Variants in AMZ1 observed in about 807,000 individuals in gnomAD.
AMZ1 encodes the protein archaelysin family metallopeptidase 1.
AMZ1 carries 39 observed loss-of-function variants against 29.9 expected under a neutral mutation model. That is an observed-to-expected ratio of 1.30 (90% CI 1.01 to 1.70). The LOEUF (loss-of-function observed/expected upper bound fraction) is 1.70. Ranked by LOEUF, AMZ1 falls within the 40% of genes most tolerant of loss-of-function variation. The pLI is 0.00. For missense variants in AMZ1, 1,041 were observed against 680.6 expected, an observed-to-expected ratio of 1.53 and a Z score of -5.89; for synonymous variants, 458 against 304.0, an observed-to-expected ratio of 1.51 and a Z score of -5.27.
chr7:2,698,795 C>T (rs1471978864), intron 1 of AMZ1, among the ~76,000 whole-genome samples: 1 of 152,154 alleles, frequency 6.6e-6, no homozygotes, highest in African/African-American at 2.4e-5. Flanking sequence ...ATGATTGCAC[C>T]ACTGCACTCC....
chr7:2,690,366 G>A (rs2115047534), intron 1 of AMZ1, among the ~76,000 whole-genome samples: 1 of 152,288 alleles, frequency 6.6e-6, no homozygotes, highest in African/African-American at 2.4e-5. Context: ...CCACAGGCAT[G>A]CACAACCATG....
chr7:2,763,117 T>G (rs1791647337), upstream of AMZ1: 11 of 1,242,620 alleles, frequency 8.9e-6, no homozygotes, highest in Non-Finnish European at 1.1e-5. Flanking sequence ...TGAAGTCATC[T>G]TCCTCTCTCT....
intron 1 of AMZ1, among the ~76,000 whole-genome samples, chr7:2,691,977 G>A (rs1562357375): frequency 6.6e-6 from 1 of 152,220 alleles, no homozygotes; most frequent in Non-Finnish European, 1.5e-5. Flanking sequence ...GGCGCTAGGG[G>A]AATGATTTGG....
rs183308094 is a variant in AMZ1 at position 2,681,144 on chromosome 7, C to T, written c.-219+1473C>T. Among the ~76,000 whole-genome samples the T allele has an allele frequency of 1.6e-3, 238 of 152,314 alleles. 2 individuals are homozygous for T. Among genetic ancestry groups the T allele is most frequent in the Admixed American group, 0.012 (181 of 15,304 alleles). The stretch of plus-strand genomic sequence containing the variant: ...GCTGGAGCGGGGCCATGGCTGAGCT[C>T]GGTGCCACTCAGGCCCGAAAGCCCC... On this transcript the variant is annotated intron_variant, in intron 1 of 6. Transcript: ENST00000312371.
chr7:2,696,962 G>A (rs1196241606), intron 1 of AMZ1, among the ~76,000 whole-genome samples: 1 of 152,140 alleles, frequency 6.6e-6, no homozygotes, highest in Non-Finnish European at 1.5e-5. Flanking sequence ...AAAGCAATTT[G>A]CAATACAAAT....
At chr7:2,706,097 A>G (rs1288391307) in intron 3 of AMZ1, among the ~76,000 whole-genome samples, 1 of 152,228 alleles carries the variant, frequency 6.6e-6, no homozygotes, top group East Asian at 1.9e-4. Context: ...CGGGAAAAGG[A>G]CATGCACTCG....
intron 4 of AMZ1, among the ~76,000 whole-genome samples, chr7:2,735,316 C>T (rs2115299629): frequency 6.6e-6 from 1 of 152,314 alleles, no homozygotes; most frequent in South Asian, 2.1e-4. Context: ...TTGCCCGTTT[C>T]TAGGCAGGTG....
chr7:2,704,147 C>G (rs568033162), intron 3 of AMZ1, among the ~76,000 whole-genome samples: 1 of 152,310 alleles, frequency 6.6e-6, no homozygotes, highest in South Asian at 2.1e-4. Context: ...CATTGGCCTC[C>G]CAAAGTGCTG....
intron 3 of AMZ1, among the ~76,000 whole-genome samples, chr7:2,706,614 A>T (rs1788368031): frequency 6.6e-6 from 1 of 152,022 alleles, no homozygotes; most frequent in Admixed American, 6.5e-5. Flanking sequence ...CAGATGCACA[A>T]CTCCAACCTC....
chr7:2,696,939 G>T (rs978639791), intron 1 of AMZ1, among the ~76,000 whole-genome samples: 1 of 152,090 alleles, frequency 6.6e-6, no homozygotes. Flanking sequence ...GTAAACTGGT[G>T]TGATCTTTCT....
downstream of AMZ1, among the ~76,000 whole-genome samples, chr7:2,721,876 AAACT>A (rs779961292): frequency 1.3e-5 from 2 of 152,236 alleles, no homozygotes; most frequent in Non-Finnish European, 2.9e-5. Flanking sequence ...AAAACATGTT[AAACT>A]AACCACCGTG....
At chr7:2,750,423 C>T (rs1002142273) in intron 4 of AMZ1, among the ~76,000 whole-genome samples, 2 of 152,338 alleles carry the variant, frequency 1.3e-5, no homozygotes, top group Non-Finnish European at 1.5e-5. Context: ...TCAGGGGACA[C>T]ATGCTGAGAC....
At chr7:2,702,550 G>GA in intron 2 of AMZ1, 172 bp from the exon 3 acceptor site, 1 of 718,948 alleles carries the variant, frequency 1.4e-6, no homozygotes, top group Admixed American at 3.1e-5. Flanking sequence ...TTGCCCTTTT[G>GA]AAAAAGTCAT....
intron 5 of AMZ1, among the ~76,000 whole-genome samples, 179 bp downstream of exon 5, chr7:2,709,423 A>C (rs887811963): frequency 8.2e-5 from 11 of 134,694 alleles, no homozygotes; most frequent in African/African-American, 2.9e-4. Context: ...TAGAGCCCCA[A>C]GCCCCTATCC....
At chr7:2,711,582 G>A (rs1352856906) in intron 6 of AMZ1, among the ~76,000 whole-genome samples, 1 of 152,124 alleles carries the variant, frequency 6.6e-6, no homozygotes, top group African/African-American at 2.4e-5. Flanking sequence ...TTCAAGTACT[G>A]CCTTTGCTTT....
chr7:2,755,848 T>C (rs1791268316), intron 4 of AMZ1, among the ~76,000 whole-genome samples: 1 of 152,252 alleles, frequency 6.6e-6, no homozygotes, highest in South Asian at 2.1e-4. Flanking sequence ...TGGAGAGTTA[T>C]GTCATATTCA....
chr7:2,702,660 C>T (rs761322761), intron 2 of AMZ1, 62 bp from the exon 3 acceptor site: 53 of 1,470,888 alleles, frequency 3.6e-5, no homozygotes, highest in Middle Eastern at 2.4e-4. Context: ...GAGTGATTCC[C>T]GGGGAGAGGG....
Position 2,709,808 on chromosome 7 carries a change from AG to A in AMZ1, c.942del (p.Arg314SerfsTer72). On this transcript the variant is annotated frameshift_variant, in exon 6 of 7. Coordinates refer to ENST00000683327, the MANE Select transcript of AMZ1 (RefSeq NM_001384743.1). LOFTEE classifies it low-confidence loss of function (END_TRUNC). ...QHVLGFRLIE[R>X]YQRLYTWTQA... is the part of the protein sequence containing the mutation. The stretch of plus-strand genomic sequence containing the variant: ...TGTCCTGGGTTTCAGGCTCATCGAG[AG>A]GTACCAGGTGAGTGGCTGAGTTGCG... 1 of 1,611,848 alleles carries A rather than the reference AG, an allele frequency of 6.2e-7. No homozygotes were observed. The highest frequency in any genetic ancestry group is 1.1e-5 in the South Asian group (1 of 90,986).
chr7:2,754,448 C>G lies in AMZ1; in HGVS notation n.551-10264C>G, dbSNP rs1304367268. 2.0e-5 allele frequency among the ~76,000 whole-genome samples: 3 copies of G among 152,178 alleles called. No individual in the cohort carries two copies. The East Asian group carries it at 5.8e-4, about 29-fold the overall frequency. On this transcript the variant is annotated intron_variant and non_coding_transcript_variant, in intron 4 of 4. Coordinates refer to the AMZ1 transcript ENST00000489665. ...TGTAGCTTGTCTTTTCATCCTCTTA[C>G]TAAGAGGATCTGGGCAGGGCACGGT...
Sources: gnomAD v4.1 joint callset for allele counts (sites outside exome capture counted in the v4.1 genomes callset) on GRCh38, gnomAD v4.1.1 for gene constraint, MANE v1.5 for transcripts, NCBI Gene and HGNC (gene_info 2026-07-23, HGNC 2026-07-21) for gene names.